AFF2: variants seen among roughly 807,000 people sequenced by gnomAD.
AFF2 encodes the protein ALF transcription elongation factor 2, also known as AF4/FMR2 family member 2.
A neutral mutation model predicts 76.9 loss-of-function variants in AFF2; 14 were observed. The observed-to-expected ratio is 0.18, with a 90% confidence interval of 0.12 to 0.28. The LOEUF (loss-of-function observed/expected upper bound fraction) is 0.28, where lower values mean the gene tolerates loss of function less well. Ranked by LOEUF, AFF2 falls within the 10% of genes least tolerant of loss-of-function variation. The pLI is 1.00. For synonymous variants in AFF2, 398 were observed against 366.7 expected (o/e 1.09, Z -0.98); for missense variants, 868 against 1,001.1 (o/e 0.87, Z 1.79).
intron 7 of AFF2, among the ~76,000 whole-genome samples, chrX:148,865,521 A>G (rs1275193630): frequency 1.8e-5 from 2 of 111,766 alleles, no homozygotes; most frequent in Non-Finnish European, 3.8e-5. Context: ...GCATCACCAA[A>G]CCCTAATGAT....
At chrX:148,786,724 T>C (rs1473681072) in intron 3 of AFF2, among the ~76,000 whole-genome samples, 3 of 111,969 alleles carry the variant, frequency 2.7e-5, no homozygotes, top group Non-Finnish European at 5.6e-5. Flanking sequence ...GGTTAGGAAT[T>C]CAACATGAAC....
In AFF2 at chrX:148,501,087, G is replaced by A. The variant is rs1285787046; in HGVS notation, c.-11G>A. 8.3e-7 allele frequency: 1 copy of A among 1,208,776 alleles called. No homozygotes were observed. The highest frequency in any genetic ancestry group is 1.1e-6 in the Non-Finnish European group (1 of 894,122). On this transcript the variant is annotated 5_prime_UTR_variant, in exon 1 of 21. Transcript: ENST00000370460. ...GGACAGGCGCCCGCCCGCCGCCGCC[G>A]CCTGGCCGCTATGGATCTATTCGAC... is the stretch of plus-strand genomic sequence containing the variant.
intron 3 of AFF2, among the ~76,000 whole-genome samples, chrX:148,665,455 G>A (rs979542780): frequency 2.7e-5 from 3 of 111,509 alleles, no homozygotes; most frequent in Non-Finnish European, 5.6e-5. Flanking sequence ...TTAAAATATG[G>A]GTTTCAAGGA....
chrX:148,723,249 C>T (rs1453111055), intron 3 of AFF2, among the ~76,000 whole-genome samples: 1 of 111,878 alleles, frequency 8.9e-6, no homozygotes, highest in Non-Finnish European at 1.9e-5. Context: ...TGGGAGTTAC[C>T]TCTGAGATGA....
chrX:148,717,366 C>T (rs1345482070), intron 3 of AFF2, among the ~76,000 whole-genome samples: 2 of 105,287 alleles, frequency 1.9e-5, no homozygotes, highest in South Asian at 4.0e-4. Flanking sequence ...TAGGCAAGTC[C>T]CTAGAGACAG....
chrX:148,786,632 C>A (rs1410049677), intron 3 of AFF2, among the ~76,000 whole-genome samples: 4 of 111,762 alleles, frequency 3.6e-5, no homozygotes, highest in African/African-American at 1.3e-4. Context: ...TGGATTAGGT[C>A]CCAGCCTAGT....
intron 1 of AFF2, among the ~76,000 whole-genome samples, chrX:148,547,995 C>T (rs782474936): frequency 4.5e-5 from 5 of 112,162 alleles, no homozygotes; most frequent in East Asian, 2.8e-4. Context: ...TTTCATCATC[C>T]GACATTGACT....
chrX:148,718,328 T>C (rs2081802321), intron 3 of AFF2, among the ~76,000 whole-genome samples: 1 of 111,390 alleles, frequency 9.0e-6, no homozygotes, highest in Non-Finnish European at 1.9e-5. Context: ...AAAATGAGCA[T>C]AGGGTCATCA....
At chrX:148,700,053 G>A (rs1289003150) in intron 3 of AFF2, among the ~76,000 whole-genome samples, 1 of 111,343 alleles carries the variant, frequency 9.0e-6, no homozygotes, top group Non-Finnish European at 1.9e-5. Context: ...AACTGTCAGG[G>A]TATGTGATGT....
At position 148,995,956 on chromosome X, in the gene AFF2, T is replaced by G. The variant is rs1332295198; in HGVS notation, c.*4624T>G. The stretch of plus-strand genomic sequence containing the variant: ...CTGATGCTTTCAGCTGGGAATAGTT[T>G]GTTCCTATTGGGGAACTCATTGTTC... On this transcript the variant is annotated 3_prime_UTR_variant, in exon 21 of 21. Transcript: ENST00000370460. 2 of 112,818 alleles carry G rather than the reference T, an allele frequency of 1.8e-5. No homozygotes were observed. The highest frequency in any genetic ancestry group is 3.8e-5 in the Non-Finnish European group (2 of 53,302). The allele number at this position is 112,818 out of a possible 1,213,427, so 9.3% of individuals were successfully genotyped here. A position where few individuals can be genotyped will look rare whatever the true frequency, so the allele number is the denominator to read the frequency against.
At chrX:148,812,226 G>A (rs1401903745) in intron 4 of AFF2, among the ~76,000 whole-genome samples, 2 of 111,276 alleles carry the variant, frequency 1.8e-5, no homozygotes, top group Non-Finnish European at 1.9e-5. Flanking sequence ...GGCCTGTGAC[G>A]GGTTCCGCAG....
intron 1 of AFF2, among the ~76,000 whole-genome samples, chrX:148,613,063 G>A (rs2053749822): frequency 8.9e-6 from 1 of 111,782 alleles, no homozygotes; most frequent in African/African-American, 3.2e-5. Flanking sequence ...CATAAGGATT[G>A]TTGTTAGGCT....
intron 4 of AFF2, chrX:148,822,331 C>T (rs1557272617): frequency 9.0e-6 from 1 of 111,270 alleles, no homozygotes; most frequent in African/African-American, 3.3e-5. Context: ...GGATTCAACT[C>T]TATAGATAAG....
intron 4 of AFF2, among the ~76,000 whole-genome samples, chrX:148,820,189 C>T (rs182454182): frequency 5.4e-5 from 6 of 111,596 alleles, no homozygotes; most frequent in Admixed American, 3.8e-4. Flanking sequence ...TATTGCATTA[C>T]ATCTATAAAT....
chrX:148,864,875 G>A (rs782570625), intron 7 of AFF2, among the ~76,000 whole-genome samples: 2 of 111,988 alleles, frequency 1.8e-5, no homozygotes, highest in African/African-American at 3.2e-5. Context: ...GGGAAAAGTC[G>A]ACTGAAAAAT....
chrX:148,800,722 C>A (rs904016025), intron 3 of AFF2, among the ~76,000 whole-genome samples: 1 of 110,780 alleles, frequency 9.0e-6, no homozygotes, highest in Middle Eastern at 4.2e-3. Context: ...TTTTTTTTCC[C>A]ATGAGGAAGT....
At chrX:148,872,101 CT>C (rs1179785367) in intron 7 of AFF2, among the ~76,000 whole-genome samples, 31 of 107,022 alleles carry the variant, frequency 2.9e-4, no homozygotes, top group East Asian at 3.0e-4. Flanking sequence ...AGCTGTGAGA[CT>C]TTTTTTTTTA....
rs782339239 is a variant in AFF2, at chrX:148,983,905, C to T, written c.3623+3115C>T. ...AGCTGGTGTTCATTGAGAACATATA[C>T]GCCAGACACTGTTCTAGATACTGAA... is the stretch of plus-strand genomic sequence containing the variant. On this transcript the variant is annotated intron_variant, in intron 19 of 20. Transcript: ENST00000370460. 9.6e-5 allele frequency among the ~76,000 whole-genome samples: 8 copies of T among 83,414 alleles called. No individual in the cohort carries two copies. The South Asian group carries it at 2.4e-3, about 25-fold the overall frequency. The allele number at this position is 83,414 out of a possible 115,157, so 72.4% of individuals were successfully genotyped here.
chrX:148,985,285 CTTTTTTTTT>C (rs151339705), intron 19 of AFF2, among the ~76,000 whole-genome samples: 29 of 15,379 alleles, frequency 1.9e-3, no homozygotes, highest in Admixed American at 6.3e-3. Context: ...TGTGCCTGGC[CTTTTTTTTT>C]TTTTTTTTTT....
Sources: gnomAD v4.1 joint callset for allele counts (sites outside exome capture counted in the v4.1 genomes callset) on GRCh38, gnomAD v4.1.1 for gene constraint, MANE v1.5 for transcripts, NCBI Gene and HGNC (gene_info 2026-07-23, HGNC 2026-07-21) for gene names.